The following RGPD4 variants were observed in gnomAD, a reference collection of about 807,000 sequenced individuals.
RGPD4 encodes RANBP2 like and GRIP domain containing 4, also known as ranBP2-like and GRIP domain-containing protein 4.
Under a neutral mutation model 141.1 loss-of-function variants are expected in RGPD4, and 84 were observed. That is an observed-to-expected ratio of 0.60 (90% confidence interval 0.50 to 0.71). The LOEUF (loss-of-function observed/expected upper bound fraction) is 0.71, where lower values mean the gene tolerates loss of function less well. Among genes scored for constraint, RGPD4 ranks in the 30% least tolerant of loss-of-function variants. The probability of loss-of-function intolerance (pLI) is 0.00; values close to 1 mark genes in which losing one functional copy is unlikely to be tolerated. For missense variants in RGPD4, 918 were observed against 1,622.4 expected, an observed-to-expected ratio of 0.57 and a Z score of 7.46; for synonymous variants, 298 against 566.8, an observed-to-expected ratio of 0.53 and a Z score of 6.74.
At chr2:107,827,270 T>C (rs1404054436) in intron 1 of RGPD4, among the ~76,000 whole-genome samples, 185 bp downstream of exon 1, 4 of 126,302 alleles carry the variant, frequency 3.2e-5, no homozygotes, top group South Asian at 2.7e-4. Context: ...TCAGGCGTCA[T>C]GGCTCCCGAC....
intron 22 of RGPD4, among the ~76,000 whole-genome samples, chr2:107,889,377 TCA>T (rs1357404404): frequency 7.9e-4 from 101 of 127,600 alleles, no homozygotes; most frequent in African/African-American, 3.0e-3. Context: ...GAGGAAGATC[TCA>T]GTTATCCTTC....
chr2:107,884,291 G>A (rs1177960273), intron 22 of RGPD4, among the ~76,000 whole-genome samples: 14 of 152,110 alleles, frequency 9.2e-5, no homozygotes, highest in African/African-American at 2.2e-4. Flanking sequence ...TAGTAGAGAC[G>A]AGGTTTCACC....
At chr2:107,873,641 G>A (rs1683008390) in intron 20 of RGPD4, among the ~76,000 whole-genome samples, 2 of 151,038 alleles carry the variant, frequency 1.3e-5, no homozygotes, top group African/African-American at 4.9e-5. Flanking sequence ...TTGTATGTCA[G>A]TCTTGCTCAT....
intron 9 of RGPD4, among the ~76,000 whole-genome samples, chr2:107,857,287 C>T (rs1266023979): frequency 6.6e-6 from 1 of 151,628 alleles, no homozygotes; most frequent in Admixed American, 6.6e-5. Context: ...CAAATGCCCA[C>T]CACCATGCCC....
chr2:107,828,605 G>T (rs1435667713), intron 1 of RGPD4, among the ~76,000 whole-genome samples: 1 of 121,742 alleles, frequency 8.2e-6, no homozygotes, highest in African/African-American at 3.3e-5. Flanking sequence ...CTGGCCGGGC[G>T]GCGGCGGCCT....
chr2:107,874,839 A>G (rs1683043878), intron 20 of RGPD4, among the ~76,000 whole-genome samples: 2 of 151,654 alleles, frequency 1.3e-5, no homozygotes, highest in African/African-American at 4.9e-5. Flanking sequence ...CAGAAGTGGA[A>G]CAAGAATCTG....
chr2:107,858,725 G>T (rs1327879487), intron 9 of RGPD4, among the ~76,000 whole-genome samples: 1 of 135,340 alleles, frequency 7.4e-6, no homozygotes, highest in Non-Finnish European at 1.6e-5. Flanking sequence ...TTTCTTTACT[G>T]TACTGATGGA....
chr2:107,889,144 G>C (rs1426342175), intron 22 of RGPD4, among the ~76,000 whole-genome samples: 1 of 149,712 alleles, frequency 6.7e-6, no homozygotes, highest in Non-Finnish European at 1.5e-5. Flanking sequence ...AACACAGAAT[G>C]GTGTCTGGAA....
At chr2:107,863,212 A>G (rs1573507325) in intron 17 of RGPD4, among the ~76,000 whole-genome samples, 180 bp downstream of exon 17, 1 of 60,822 alleles carries the variant, frequency 1.6e-5, no homozygotes, top group Non-Finnish European at 3.3e-5. Context: ...TGCAGGCTGG[A>G]GTACAGTGGT....
intron 22 of RGPD4, among the ~76,000 whole-genome samples, chr2:107,885,225 T>C (rs1014857164): frequency 4.6e-5 from 7 of 152,070 alleles, no homozygotes; most frequent in Non-Finnish European, 1.0e-4. Context: ...CTACTTCTAG[T>C]CACCTAAGAG....
intron 1 of RGPD4, among the ~76,000 whole-genome samples, chr2:107,830,956 T>C (rs1439677035): frequency 5.3e-5 from 8 of 152,260 alleles, no homozygotes; most frequent in African/African-American, 1.7e-4. Flanking sequence ...GTCTGTAATC[T>C]GAGCACTTTG....
At chr2:107,880,351 C>T (rs1294226928) in intron 21 of RGPD4, among the ~76,000 whole-genome samples, 3 of 144,942 alleles carry the variant, frequency 2.1e-5, no homozygotes, top group South Asian at 2.3e-4. Context: ...ACAAGCTCCA[C>T]CTCCCAGGTT....
chr2:107,882,432 A>G (rs1258857919), intron 21 of RGPD4, among the ~76,000 whole-genome samples: 1 of 151,570 alleles, frequency 6.6e-6, no homozygotes, highest in African/African-American at 2.4e-5. Context: ...TGCAGCTTTG[A>G]AACTATCTCA....
intron 21 of RGPD4, among the ~76,000 whole-genome samples, chr2:107,880,992 T>C: frequency 6.6e-6 from 1 of 151,836 alleles, no homozygotes. Context: ...TTTAATCTCA[T>C]CACTGGTTAA....
intron 6 of RGPD4, among the ~76,000 whole-genome samples, chr2:107,846,587 C>G (rs1573479903): frequency 6.7e-6 from 1 of 149,920 alleles, no homozygotes; most frequent in Admixed American, 6.6e-5. Flanking sequence ...CTGCCTCAGC[C>G]TCCCAAGTAG....
At chr2:107,828,744 CG>C (rs1681342132) in intron 1 of RGPD4, among the ~76,000 whole-genome samples, 1 of 25,250 alleles carries the variant, frequency 4.0e-5, no homozygotes, top group Admixed American at 2.5e-4. Context: ...CCTGGCCCGG[CG>C]GCTGCCTCGA....
chr2:107,870,781 G>A lies in RGPD4; in HGVS notation c.2777G>A (p.Gly926Asp), dbSNP rs767997427. The change falls in exon 20 of 23, where the codon GGC (glycine) becomes GAC (aspartate). Residue 926 changes from glycine (G) to aspartate (D), a missense_variant. Coordinates refer to ENST00000408999, the MANE Select transcript of RGPD4 (RefSeq NM_182588.3). ...GTGTCTGCTGATGGATTTAAATTTG[G>A]CATTTCGGAACCAGGAAATCAAGAA... ...IPVSADGFKF[G>D]ISEPGNQEKE... 4.3e-6 allele frequency: 7 copies of A among 1,609,286 alleles called. No homozygotes were observed. Among genetic ancestry groups the A allele is most frequent in the African/African-American group, 2.7e-5 (2 of 74,154 alleles).
At chr2:107,830,196 G>A (rs757943382) in intron 1 of RGPD4, among the ~76,000 whole-genome samples, 2 of 151,490 alleles carry the variant, frequency 1.3e-5, no homozygotes, top group African/African-American at 4.9e-5. Flanking sequence ...AAATTCTAAA[G>A]TTCTTACAAA....
chr2:107,858,663 C>A (rs1682425063), intron 9 of RGPD4, among the ~76,000 whole-genome samples: 1 of 150,770 alleles, frequency 6.6e-6, no homozygotes, highest in Non-Finnish European at 1.5e-5. Context: ...TGGTCTCGAA[C>A]TCCTGACTGC....
Sources: allele counts gnomAD v4.1 joint callset (sites outside exome capture counted in the v4.1 genomes callset), GRCh38; gene constraint gnomAD v4.1.1; transcripts MANE v1.5; gene names NCBI Gene and HGNC (gene_info 2026-07-23, HGNC 2026-07-21).